POU6F2: variants seen among roughly 807,000 people sequenced by gnomAD.
POU6F2 encodes the protein POU domain, class 6, transcription factor 2.
POU6F2 carries 31 observed loss-of-function variants against 71.3 expected under a neutral mutation model. The observed-to-expected ratio is 0.43, with a 90% CI of 0.33 to 0.59. POU6F2 has a LOEUF of 0.59. Ranked by LOEUF, POU6F2 falls within the 20% of genes least tolerant of loss-of-function variation. POU6F2 has a pLI of 0.04. For missense variants in POU6F2, 783 were observed against 856.8 expected, an observed-to-expected ratio of 0.91 and a Z score of 1.07; for synonymous variants, 347 against 355.7, an observed-to-expected ratio of 0.98 and a Z score of 0.27.
chr7:39,445,958 T>C (rs533754992), intron 7 of POU6F2, among the ~76,000 whole-genome samples: 2 of 152,336 alleles, frequency 1.3e-5, no homozygotes, highest in South Asian at 4.1e-4. Flanking sequence ...TTGTTAGATA[T>C]GCAAATTCTT....
At chr7:39,343,120 A>T (rs1785954895) in intron 5 of POU6F2, among the ~76,000 whole-genome samples, 1 of 152,190 alleles carries the variant, frequency 6.6e-6, no homozygotes, top group African/African-American at 2.4e-5. Flanking sequence ...CAGGAAATGC[A>T]AGGGCAGAGG....
At chr7:39,189,684 G>A (rs1181536887) in intron 2 of POU6F2, among the ~76,000 whole-genome samples, 1 of 152,166 alleles carries the variant, frequency 6.6e-6, no homozygotes, top group African/African-American at 2.4e-5. Flanking sequence ...ACAGGTGTGA[G>A]CCACCATGCC....
chr7:39,117,962 T>C (rs552469818), intron 2 of POU6F2, among the ~76,000 whole-genome samples: 3 of 151,926 alleles, frequency 2.0e-5, no homozygotes, highest in Admixed American at 6.6e-5. Flanking sequence ...ACTTGGAGGG[T>C]TGGAGTTGTT....
At chr7:39,352,814 G>A (rs2115677064) in intron 5 of POU6F2, among the ~76,000 whole-genome samples, 1 of 152,088 alleles carries the variant, frequency 6.6e-6, no homozygotes, top group Admixed American at 6.5e-5. Context: ...ATCACAAGGT[G>A]CTGAGGTTTG....
chr7:39,064,021 A>G (rs542787777), intron 1 of POU6F2, among the ~76,000 whole-genome samples: 65 of 152,274 alleles, frequency 4.3e-4, no homozygotes, highest in African/African-American at 1.5e-3. Context: ...TAAAAGACAG[A>G]TGAGATGAAT....
At chr7:39,434,024 G>A (rs1232930699) in intron 7 of POU6F2, among the ~76,000 whole-genome samples, 1 of 152,198 alleles carries the variant, frequency 6.6e-6, no homozygotes, top group African/African-American at 2.4e-5. Flanking sequence ...AGAATCTGTT[G>A]TGCAGTAGAG....
intron 4 of POU6F2, among the ~76,000 whole-genome samples, chr7:39,227,847 G>A (rs983698683): frequency 6.6e-5 from 10 of 152,220 alleles, no homozygotes; most frequent in African/African-American, 2.4e-4. Flanking sequence ...ATGAGCCACC[G>A]TGCCCGGCAA....
chr7:39,016,263 T>C (rs1475413613), intron 1 of POU6F2, among the ~76,000 whole-genome samples: 2 of 147,724 alleles, frequency 1.4e-5, no homozygotes, highest in Non-Finnish European at 3.0e-5. Context: ...GAAAATACAG[T>C]ATATACTATA....
chr7:39,228,002 G>T (rs1027760182), intron 4 of POU6F2, among the ~76,000 whole-genome samples: 1 of 152,134 alleles, frequency 6.6e-6, no homozygotes, highest in African/African-American at 2.4e-5. Context: ...GGACGGGGTT[G>T]GTGGGCCTGG....
At chr7:39,038,260 A>G (rs879430448) in intron 1 of POU6F2, among the ~76,000 whole-genome samples, 5 of 151,984 alleles carry the variant, frequency 3.3e-5, no homozygotes, top group African/African-American at 7.2e-5. Flanking sequence ...TTGGTATACT[A>G]TACTTTTCCA....
At chr7:39,271,517 T>C (rs1308946987) in intron 4 of POU6F2, among the ~76,000 whole-genome samples, 7 of 144,904 alleles carry the variant, frequency 4.8e-5, no homozygotes, top group Admixed American at 2.7e-4. Context: ...AAAAAAACCC[T>C]ATGACCAAGG....
intron 1 of POU6F2, among the ~76,000 whole-genome samples, chr7:39,029,674 G>T (rs183454898): frequency 6.6e-6 from 1 of 151,986 alleles, no homozygotes; most frequent in Non-Finnish European, 1.5e-5. Flanking sequence ...ATGTAAGTTC[G>T]TTATAGAATT....
intron 5 of POU6F2, among the ~76,000 whole-genome samples, chr7:39,373,234 G>A (rs1390821813): frequency 1.3e-5 from 2 of 152,178 alleles, no homozygotes; most frequent in African/African-American, 4.8e-5. Flanking sequence ...TAGCAGTGAC[G>A]TTGATGACAG....
intron 5 of POU6F2, among the ~76,000 whole-genome samples, chr7:39,385,027 C>T (rs904221928): frequency 2.6e-5 from 4 of 151,972 alleles, no homozygotes; most frequent in African/African-American, 9.7e-5. Flanking sequence ...CTGCCTGCAC[C>T]CAAAAGGGAT....
intron 1 of POU6F2, among the ~76,000 whole-genome samples, chr7:39,069,418 A>G (rs1357414225): frequency 1.3e-5 from 2 of 152,154 alleles, no homozygotes; most frequent in African/African-American, 4.8e-5. Flanking sequence ...CCCGCAGGTG[A>G]TATTCATTTT....
chr7:39,363,102 A>G (rs967921684), intron 5 of POU6F2, among the ~76,000 whole-genome samples: 2 of 152,204 alleles, frequency 1.3e-5, no homozygotes, highest in East Asian at 3.9e-4. Flanking sequence ...GAACACAGGA[A>G]GTCCAATTAA....
At chr7:39,393,231 T>A (rs1787109275) in intron 5 of POU6F2, among the ~76,000 whole-genome samples, 1 of 152,234 alleles carries the variant, frequency 6.6e-6, no homozygotes, top group African/African-American at 2.4e-5. Flanking sequence ...TAGTCATGTT[T>A]TCTGCTTTCC....
At chr7:39,260,581 CACATACCACAT>C (rs1562767475) in intron 4 of POU6F2, among the ~76,000 whole-genome samples, 1 of 151,366 alleles carries the variant, frequency 6.6e-6, no homozygotes, top group Non-Finnish European at 1.5e-5. Context: ...ACATTCCACA[CACATACCACAT>C]ACCACACACA....
At chr7:39,253,090 A>G (rs539691176) in intron 4 of POU6F2, among the ~76,000 whole-genome samples, 3 of 152,314 alleles carry the variant, frequency 2.0e-5, no homozygotes, top group Non-Finnish European at 4.4e-5. Flanking sequence ...ACGGCTTGCT[A>G]TTATCCCTTC....
Sources: allele counts gnomAD v4.1 joint callset (sites outside exome capture counted in the v4.1 genomes callset), GRCh38; gene constraint gnomAD v4.1.1; transcripts MANE v1.5; gene names NCBI Gene and HGNC (gene_info 2026-07-23, HGNC 2026-07-21).